Variants in PCNX2 observed in about 807,000 individuals in gnomAD.
PCNX2 encodes pecanex-like protein 2.
A neutral mutation model predicts 223.8 loss-of-function variants in PCNX2; 168 were observed. That is an observed-to-expected ratio of 0.75 (90% CI 0.66 to 0.85). The LOEUF (loss-of-function observed/expected upper bound fraction) is 0.85, where lower values mean the gene tolerates loss of function less well. Among genes scored for constraint, PCNX2 ranks in the 40% least tolerant of loss-of-function variants. The pLI, the probability that PCNX2 is intolerant of heterozygous loss-of-function variation, is 0.00. For synonymous variants in PCNX2, 1,006 were observed against 1,052.6 expected (o/e 0.96, Z 0.86); for missense variants, 2,507 against 2,675.5 (o/e 0.94, Z 1.39).
At chr1:233,063,662 G>A (rs995350486) in intron 23 of PCNX2, among the ~76,000 whole-genome samples, 6 of 151,920 alleles carry the variant, frequency 3.9e-5, no homozygotes, top group East Asian at 1.9e-4. Flanking sequence ...CTGAAATTGA[G>A]GATTCATGTC....
At chr1:232,985,266 G>A (rs572454888) in intron 33 of PCNX2, 1 of 152,242 alleles carries the variant, frequency 6.6e-6, no homozygotes, top group African/African-American at 2.4e-5. Context: ...TGAAGGAGAG[G>A]GAGGGTGACA....
At chr1:233,085,798 G>C (rs964095540) in intron 23 of PCNX2, among the ~76,000 whole-genome samples, 1 of 152,086 alleles carries the variant, frequency 6.6e-6, no homozygotes, top group Non-Finnish European at 1.5e-5. Flanking sequence ...GAGGCTACAC[G>C]AAAAGAGAGA....
At chr1:233,043,281 C>A (rs558005184) in intron 25 of PCNX2, among the ~76,000 whole-genome samples, 45 of 152,244 alleles carry the variant, frequency 3.0e-4, no homozygotes, top group African/African-American at 1.0e-3. Flanking sequence ...TCTGTATCTA[C>A]CTACACAAAT....
intron 23 of PCNX2, among the ~76,000 whole-genome samples, chr1:233,070,669 T>C (rs967729088): frequency 6.7e-6 from 1 of 148,342 alleles, no homozygotes; most frequent in Non-Finnish European, 1.5e-5. Context: ...ATACTATTCA[T>C]GATTTAAAAA....
intron 25 of PCNX2, chr1:233,032,839 C>G (rs907313057): frequency 1.9e-5 from 7 of 368,808 alleles, no homozygotes; most frequent in African/African-American, 1.5e-4. Context: ...TCGTAGCTGC[C>G]AACAGTTGAA....
At chr1:233,267,003 G>GTT (rs112063659) in intron 1 of PCNX2, among the ~76,000 whole-genome samples, 43,112 of 150,606 alleles carry the variant, frequency 0.29, 6,320 homozygotes, top group South Asian at 0.42. Flanking sequence ...TCACTACTCT[G>GTT]TTTTTTTTTC....
At chr1:233,143,338 A>T (rs1173182487) in intron 19 of PCNX2, among the ~76,000 whole-genome samples, 3 of 152,228 alleles carry the variant, frequency 2.0e-5, no homozygotes, top group Non-Finnish European at 4.4e-5. Context: ...CAACATGCAA[A>T]TAAGTCCCTT....
intron 21 of PCNX2, among the ~76,000 whole-genome samples, chr1:233,106,347 C>CTTTTTTT (rs912803573): frequency 6.1e-5 from 7 of 115,672 alleles, no homozygotes; most frequent in Non-Finnish European, 7.0e-5. Context: ...TCTCCTCCCT[C>CTTTTTTT]TTTTTTTTTT....
chr1:233,183,372 C>A (rs1260760632), intron 15 of PCNX2, among the ~76,000 whole-genome samples: 1 of 152,156 alleles, frequency 6.6e-6, no homozygotes, highest in Admixed American at 6.5e-5. Flanking sequence ...AATGTTAGCA[C>A]CCTGACATAT....
intron 10 of PCNX2, among the ~76,000 whole-genome samples, chr1:233,224,396 A>C (rs548442101): frequency 6.6e-6 from 1 of 152,342 alleles, no homozygotes; most frequent in Non-Finnish European, 1.5e-5. Flanking sequence ...AAGACTAAGA[A>C]AACATTTTTA....
chr1:233,022,631 T>C (rs567218342), intron 26 of PCNX2, among the ~76,000 whole-genome samples: 10 of 150,526 alleles, frequency 6.6e-5, no homozygotes, highest in African/African-American at 1.5e-4. Flanking sequence ...ACACAGCCAG[T>C]GGCAATACTG....
chr1:233,198,885 A>C (rs1680888126), intron 15 of PCNX2, 54 bp downstream of exon 15: 1 of 1,446,598 alleles, frequency 6.9e-7, no homozygotes, highest in Non-Finnish European at 9.5e-7. Context: ...GTTTAAAAAA[A>C]TAAGTTAATT....
chr1:233,242,212 C>T (rs1195274055), intron 8 of PCNX2, among the ~76,000 whole-genome samples: 2 of 152,048 alleles, frequency 1.3e-5, no homozygotes, highest in East Asian at 1.9e-4. Context: ...AAAATATCTG[C>T]TAGATCTTTG....
At chr1:233,049,335 A>G (rs1671918560) in intron 25 of PCNX2, among the ~76,000 whole-genome samples, 1 of 152,212 alleles carries the variant, frequency 6.6e-6, no homozygotes, top group Non-Finnish European at 1.5e-5. Flanking sequence ...GTCAACATAT[A>G]CAAGTCAATA....
chr1:233,093,408 A>G (rs1673988973), intron 22 of PCNX2, among the ~76,000 whole-genome samples: 1 of 152,224 alleles, frequency 6.6e-6, no homozygotes, highest in Non-Finnish European at 1.5e-5. Flanking sequence ...ATTCCAAAAC[A>G]GAGCAAATTA....
At chr1:233,037,202 C>T (rs959683722) in intron 25 of PCNX2, among the ~76,000 whole-genome samples, 2 of 152,168 alleles carry the variant, frequency 1.3e-5, no homozygotes, top group Admixed American at 1.3e-4. Flanking sequence ...AGAGAAGAAC[C>T]AAAACAACGA....
intron 28 of PCNX2, among the ~76,000 whole-genome samples, chr1:233,011,581 A>G (rs1670470739): frequency 6.6e-6 from 1 of 152,164 alleles, no homozygotes; most frequent in Non-Finnish European, 1.5e-5. Context: ...TTTTTGTCCA[A>G]TCACATTTCT....
chr1:233,207,911 A>G (rs1681571965), intron 13 of PCNX2, among the ~76,000 whole-genome samples: 1 of 151,834 alleles, frequency 6.6e-6, no homozygotes, highest in Non-Finnish European at 1.5e-5. Flanking sequence ...TGATGGCAAA[A>G]CCATCCCCAG....
chr1:232,984,419 C>T lies in PCNX2; in HGVS notation c.6299G>A (p.Arg2100Gln), dbSNP rs752002998. The T allele has an allele frequency of 1.2e-5, 19 of 1,613,714 alleles. No individual in the cohort carries two copies. Among genetic ancestry groups the T allele is most frequent in the Middle Eastern group, 3.3e-4 (2 of 6,060 alleles). ...GTCCGCCACAGCCTCAGCCAGACAT[C>T]GGTCATGAAGCTGCCCCTGCTCGGT... ...DATEQGQLHD[R>Q]CLAEAVADTL... The change falls in exon 34 of 34, where the codon CGA becomes CAA. Residue 2100 changes from arginine (R) to glutamine (Q), a missense_variant. Arg to Gln is a conservative substitution (Grantham distance 43). Around this residue, in one of 3 missense-constraint regions of PCNX2, gnomAD observed 1,372 missense variants for 1,509.4 expected, o/e 0.91. Coordinates refer to ENST00000258229, the MANE Select transcript of PCNX2 (RefSeq NM_014801.4).
Sources: gnomAD v4.1 joint callset for allele counts (sites outside exome capture counted in the v4.1 genomes callset) on GRCh38, gnomAD v4.1.1 for gene constraint, gnomAD v4.1.1 regional missense constraint, MANE v1.5 for transcripts, NCBI Gene and HGNC (gene_info 2026-07-23, HGNC 2026-07-21) for gene names.